RASGEF1C: variants seen among roughly 807,000 people sequenced by gnomAD.
The protein encoded by RASGEF1C is RasGEF domain family member 1C.
In RASGEF1C, 27 loss-of-function variants were observed where a neutral mutation model predicts 58.1. The ratio of observed to expected loss-of-function variants is 0.46; its 90% CI spans 0.34 to 0.64. The LOEUF is 0.64. Ranked by LOEUF, RASGEF1C falls within the 30% of genes least tolerant of loss-of-function variation. The pLI, the probability that RASGEF1C is intolerant of heterozygous loss-of-function variation, is 0.01. For missense variants in RASGEF1C, 502 were observed against 605.1 expected, an observed-to-expected ratio of 0.83 and a Z score of 1.79; for synonymous variants, 243 against 246.3, an observed-to-expected ratio of 0.99 and a Z score of 0.13.
chr5:180,128,360 T>C, intron 5 of RASGEF1C, 50 bp downstream of exon 5: 2 of 1,516,538 alleles, frequency 1.3e-6, no homozygotes, highest in Non-Finnish European at 9.1e-7. Context: ...AGTGTATCTG[T>C]GTGTGTCCTG....
intron 4 of RASGEF1C, among the ~76,000 whole-genome samples, chr5:180,128,891 G>A (rs559434041): frequency 2.1e-4 from 32 of 152,326 alleles, no homozygotes; most frequent in African/African-American, 7.0e-4. Context: ...GGAGGGTGAC[G>A]GGGGCCGGGG....
At chr5:180,166,196 A>G (rs1428367026) in intron 1 of RASGEF1C, among the ~76,000 whole-genome samples, 1 of 152,200 alleles carries the variant, frequency 6.6e-6, no homozygotes, top group East Asian at 1.9e-4. Context: ...GTAGGCATTA[A>G]GTTTCATCCT....
At chr5:180,119,491 C>T (rs1363545743) in intron 7 of RASGEF1C, 43 bp from the exon 8 acceptor site, 9 of 1,502,246 alleles carry the variant, frequency 6.0e-6, no homozygotes, top group Non-Finnish European at 8.3e-6. Context: ...CACGCCTCCA[C>T]CCTGCCCTGA....
At chr5:180,193,768 C>T (rs539740957) in intron 1 of RASGEF1C, among the ~76,000 whole-genome samples, 12 of 152,098 alleles carry the variant, frequency 7.9e-5, no homozygotes, top group African/African-American at 2.4e-4. Flanking sequence ...GATTACAGAC[C>T]GGCCATTAGA....
At chr5:180,142,541 A>T (rs1766596296) in intron 1 of RASGEF1C, among the ~76,000 whole-genome samples, 1 of 152,168 alleles carries the variant, frequency 6.6e-6, no homozygotes, top group Admixed American at 6.5e-5. Context: ...CCAGCAGCGA[A>T]CACTCTCGAG....
chr5:180,130,093 C>T (rs998892599), intron 4 of RASGEF1C, among the ~76,000 whole-genome samples: 1 of 152,142 alleles, frequency 6.6e-6, no homozygotes, highest in Non-Finnish European at 1.5e-5. Flanking sequence ...CATAGCACAG[C>T]GGCGGCAGCA....
intron 4 of RASGEF1C, among the ~76,000 whole-genome samples, chr5:180,132,752 C>T (rs1339655921): frequency 1.3e-5 from 2 of 152,084 alleles, no homozygotes; most frequent in African/African-American, 4.8e-5. Context: ...GGGCAGATCA[C>T]GAGGTCAGGA....
Position 180,177,627 on chromosome 5 carries a change from G to A in RASGEF1C, c.-7+31401C>T, listed in dbSNP as rs1231344179. Among the ~76,000 whole-genome samples, 1 of 152,200 alleles carries A rather than the reference G, an allele frequency of 6.6e-6. No homozygotes were observed. Among genetic ancestry groups the A allele is most frequent in the Non-Finnish European group, 1.5e-5 (1 of 68,034 alleles). ...CCCGTGGTAGGAGGACATGGCCCTGGTGCCACTTGGGGAAGGAGTTGCGTT... is the reference window on the plus strand; with the variant it reads ...CCCGTGGTAGGAGGACATGGCCCTGATGCCACTTGGGGAAGGAGTTGCGTT... On this transcript the variant is annotated intron_variant, in intron 1 of 13. Transcript: ENST00000361132. This position sits in a 1 kb window ranked among gnomAD's most constrained non-coding sequence, Gnocchi z 5.0.
chr5:180,114,033 G>A (rs979096399), intron 11 of RASGEF1C, among the ~76,000 whole-genome samples: 5 of 152,142 alleles, frequency 3.3e-5, no homozygotes, highest in Non-Finnish European at 7.4e-5. Context: ...TTTCTTTTCT[G>A]TTCACTCTGG....
chr5:180,174,206 C>T (rs1347146281), intron 1 of RASGEF1C, among the ~76,000 whole-genome samples: 1 of 152,172 alleles, frequency 6.6e-6, no homozygotes, highest in African/African-American at 2.4e-5. Context: ...CATTTAAATA[C>T]TTCTCATTCT....
Position 180,136,532 on chromosome 5 carries a change from G to T in RASGEF1C, c.301-17C>A, listed in dbSNP as rs2890346. 3.4e-5 allele frequency: 54 copies of T among 1,565,926 alleles called. No individual in the cohort carries two copies. The African/African-American group carries it at 3.9e-4, about 11-fold the overall frequency. ...GACCCGGGCCTACGGGCAAGCGAGG[G>T]GCACCGCGCTCGTGAGGGGCGCCGG... On this transcript the variant is annotated splice_polypyrimidine_tract_variant and intron_variant, in intron 3 of 13. Transcript: ENST00000361132.
In RASGEF1C at chr5:180,145,024, C is replaced by T. The variant is rs529087262; in HGVS notation, c.-6-6966G>A. 4.3e-4 allele frequency among the ~76,000 whole-genome samples: 65 copies of T among 152,302 alleles called. No homozygotes were observed. In the South Asian group the frequency reaches 0.013, roughly 32 times the overall value. ...ATACTGTTCCACTGCATGCACATACCATATTTTGTTCATCTATTCATCTGT... is the reference window on the plus strand; with the variant it reads ...ATACTGTTCCACTGCATGCACATACTATATTTTGTTCATCTATTCATCTGT... On this transcript the variant is annotated intron_variant, in intron 1 of 13. Transcript: ENST00000361132.
At chr5:180,193,857 C>A (rs1055655920) in intron 1 of RASGEF1C, among the ~76,000 whole-genome samples, 2 of 152,112 alleles carry the variant, frequency 1.3e-5, no homozygotes, top group African/African-American at 4.8e-5. Flanking sequence ...CCCCATCAGT[C>A]CAGGAGGAAT....
chr5:180,145,468 T>G (rs1766649701), intron 1 of RASGEF1C, among the ~76,000 whole-genome samples: 1 of 152,342 alleles, frequency 6.6e-6, no homozygotes, highest in African/African-American at 2.4e-5. Context: ...GGTTCCAATT[T>G]CTCCACATCC....
intron 4 of RASGEF1C, among the ~76,000 whole-genome samples, chr5:180,133,525 C>G (rs1180483756): frequency 6.6e-6 from 1 of 152,206 alleles, no homozygotes; most frequent in African/African-American, 2.4e-5. Flanking sequence ...ACACACAGCT[C>G]TGAAAAGACC....
intron 10 of RASGEF1C, among the ~76,000 whole-genome samples, chr5:180,116,484 A>G (rs1217357614): frequency 3.3e-5 from 5 of 151,992 alleles, no homozygotes; most frequent in African/African-American, 7.2e-5. Context: ...CTCTCCATCC[A>G]TAAAGCAGCT....
chr5:180,190,723 A>G (rs1756149799), intron 1 of RASGEF1C, among the ~76,000 whole-genome samples: 1 of 151,892 alleles, frequency 6.6e-6, no homozygotes, highest in South Asian at 2.1e-4. Flanking sequence ...AGTAAAACCT[A>G]CAACTATAAA....
intron 1 of RASGEF1C, among the ~76,000 whole-genome samples, chr5:180,180,471 C>T (rs905777932): frequency 2.0e-5 from 3 of 152,228 alleles, no homozygotes; most frequent in Non-Finnish European, 4.4e-5. Flanking sequence ...GTGCACAGTA[C>T]TTAACAATTT....
At position 180,158,219 on chromosome 5, in the gene RASGEF1C, T is replaced by A. The variant is rs556313993; in HGVS notation, c.-6-20161A>T. 6.6e-6 allele frequency among the ~76,000 whole-genome samples: 1 copy of A among 152,232 alleles called. No individual in the cohort carries two copies. Among genetic ancestry groups the A allele is most frequent in the African/African-American group, 2.4e-5 (1 of 41,444 alleles). On this transcript the variant is annotated intron_variant, in intron 1 of 13. Transcript: ENST00000361132. The surrounding 1 kb of genome is among the most constrained non-coding windows in gnomAD (Gnocchi z 4.0). Reference sequence around the variant, plus strand: ...CTCACGCTGCTGCAGTGGGGCTCAGTTGCCCTCTGGATGTGGTACGAAGCT... The same window carrying A: ...CTCACGCTGCTGCAGTGGGGCTCAGATGCCCTCTGGATGTGGTACGAAGCT...
Sources: gnomAD v4.1 joint callset for allele counts (sites outside exome capture counted in the v4.1 genomes callset) on GRCh38, gnomAD v4.1.1 for gene constraint, Gnocchi (gnomAD v3.1) non-coding constraint, MANE v1.5 for transcripts, NCBI Gene and HGNC (gene_info 2026-07-23, HGNC 2026-07-21) for gene names.